The following UMAD1 variants were observed in gnomAD, a reference collection of about 807,000 sequenced individuals.
UMAD1 encodes the protein UBAP1-MVB12-associated (UMA)-domain containing protein 1.
UMAD1 carries 8 observed loss-of-function variants against 6.1 expected under a neutral mutation model. The observed-to-expected ratio is 1.30, with a 90% CI of 0.76 to 2.35. UMAD1 has a LOEUF of 2.35. Ranked by LOEUF, UMAD1 falls within the 30% of genes most tolerant of loss-of-function variation. UMAD1 has a pLI of 0.00. For synonymous variants in UMAD1, 56 were observed against 31.4 expected (o/e 1.78, Z -2.61); for missense variants, 130 against 78.4 (o/e 1.66, Z -2.49).
chr7:7,644,244 T>C (rs186984417), intron 1 of UMAD1, among the ~76,000 whole-genome samples: 30 of 152,282 alleles, frequency 2.0e-4, no homozygotes, highest in African/African-American at 7.2e-4. Flanking sequence ...TTTTCCTTGA[T>C]TTTTCTTTTT....
At chr7:7,676,826 G>T (rs1309691343) in intron 2 of UMAD1, among the ~76,000 whole-genome samples, 1 of 152,140 alleles carries the variant, frequency 6.6e-6, no homozygotes, top group African/African-American at 2.4e-5. Context: ...GACAGATAAA[G>T]ATCTTGACAG....
chr7:7,745,558 AAT>A (rs35859619), intron 2 of UMAD1, among the ~76,000 whole-genome samples: 70,206 of 151,844 alleles, frequency 0.46, 17,361 homozygotes, highest in African/African-American at 0.64. Context: ...TTTGGGAATA[AAT>A]ATAAGATGGA....
At chr7:7,644,294 T>C (rs1329296730) in intron 1 of UMAD1, among the ~76,000 whole-genome samples, 1 of 152,048 alleles carries the variant, frequency 6.6e-6, no homozygotes, top group Non-Finnish European at 1.5e-5. Flanking sequence ...TGAGATATTG[T>C]AATGGTACAA....
chr7:7,795,723 A>T (rs752612623), intron 2 of UMAD1, among the ~76,000 whole-genome samples: 2 of 152,162 alleles, frequency 1.3e-5, no homozygotes, highest in Non-Finnish European at 2.9e-5. Context: ...TAACTTCTGG[A>T]TGTTGTGTAA....
chr7:7,870,394 T>G (rs1321950820), intron 3 of UMAD1, among the ~76,000 whole-genome samples: 1 of 152,188 alleles, frequency 6.6e-6, no homozygotes, highest in Non-Finnish European at 1.5e-5. Flanking sequence ...CAAATACGCT[T>G]TATGAACTTA....
intron 2 of UMAD1, among the ~76,000 whole-genome samples, chr7:7,793,563 C>T (rs963655946): frequency 6.6e-6 from 1 of 152,190 alleles, no homozygotes; most frequent in Admixed American, 6.5e-5. Context: ...TCTCCTGTGT[C>T]TTCAAGGTGC....
intron 3 of UMAD1, among the ~76,000 whole-genome samples, chr7:7,843,129 C>A (rs769953102): frequency 2.4e-4 from 36 of 152,116 alleles, no homozygotes; most frequent in Non-Finnish European, 4.7e-4. Context: ...TAAGTAAAGT[C>A]TCTCTGCCAC....
chr7:7,862,999 G>A (rs1002888006), intron 3 of UMAD1, among the ~76,000 whole-genome samples: 2 of 146,940 alleles, frequency 1.4e-5, no homozygotes, highest in Non-Finnish European at 3.0e-5. Context: ...ACATAAAATT[G>A]AAATATTGCT....
chr7:7,860,274 A>T (rs79103943), intron 3 of UMAD1, among the ~76,000 whole-genome samples: 1 of 152,202 alleles, frequency 6.6e-6, no homozygotes, highest in African/African-American at 2.4e-5. Flanking sequence ...AGAGTGTATT[A>T]TAAAAATGTA....
At chr7:7,876,118 G>A (rs1021272465) in intron 3 of UMAD1, among the ~76,000 whole-genome samples, 15 of 152,212 alleles carry the variant, frequency 9.9e-5, no homozygotes, top group African/African-American at 3.4e-4. Flanking sequence ...GCCTCATTGA[G>A]ATGGCATCTG....
intron 3 of UMAD1, among the ~76,000 whole-genome samples, chr7:7,824,161 C>A (rs1032393878): frequency 6.6e-6 from 1 of 152,092 alleles, no homozygotes; most frequent in African/African-American, 2.4e-5. Context: ...CTTGCATGTC[C>A]TCATCCTTTG....
intron 2 of UMAD1, among the ~76,000 whole-genome samples, chr7:7,716,614 C>T (rs938953409): frequency 6.6e-6 from 1 of 152,194 alleles, no homozygotes; most frequent in African/African-American, 2.4e-5. Context: ...ATGGTGCTGG[C>T]CAGGTAGCAA....
At chr7:7,752,474 A>G (rs1414226706) in intron 2 of UMAD1, among the ~76,000 whole-genome samples, 3 of 152,132 alleles carry the variant, frequency 2.0e-5, no homozygotes, top group Non-Finnish European at 4.4e-5. Flanking sequence ...GTTGCCACAT[A>G]TGAAACTTTG....
At chr7:7,822,310 T>G (rs959709358) in intron 3 of UMAD1, among the ~76,000 whole-genome samples, 1 of 152,030 alleles carries the variant, frequency 6.6e-6, no homozygotes, top group African/African-American at 2.4e-5. Flanking sequence ...GGTCAGTCTG[T>G]GAAGATAAAT....
At chr7:7,753,205 AC>A (rs1188820401) in intron 2 of UMAD1, among the ~76,000 whole-genome samples, 1 of 152,218 alleles carries the variant, frequency 6.6e-6, no homozygotes, top group Non-Finnish European at 1.5e-5. Flanking sequence ...ATACAGGCAT[AC>A]ATTGTGTAAT....
In UMAD1 at chr7:7,877,460, C is replaced by T. The variant is rs891331583; in HGVS notation, c.336C>T (p.Leu112=). The change falls in exon 4 of 4, where the codon CTC becomes CTT. Residue 112 remains leucine, a synonymous_variant. Coordinates refer to ENST00000682710, the MANE Select transcript of UMAD1 (RefSeq NM_001302348.2). Reference sequence around the variant, plus strand: ...TCACTGACCTTCCCGACCACTTACTCTCCTATGATGGCAGCGAAAACTTAT... The same window carrying T: ...TCACTGACCTTCCCGACCACTTACTTTCCTATGATGGCAGCGAAAACTTAT... ...GTITDLPDHL[L]SYDGSENLSR... is the part of the protein sequence containing the mutation. The T allele has an allele frequency of 2.8e-6, 2 of 717,686 alleles. No homozygotes were observed. The highest frequency in any genetic ancestry group is 2.7e-5 in the East Asian group (1 of 37,296). The allele number at this position is 717,686 out of a possible 1,614,324, so 44.5% of individuals were successfully genotyped here. A position where few individuals can be genotyped will look rare whatever the true frequency, so the allele number is the denominator to read the frequency against.
chr7:7,683,583 A>G (rs1779963858), intron 2 of UMAD1, among the ~76,000 whole-genome samples: 1 of 152,168 alleles, frequency 6.6e-6, no homozygotes, highest in African/African-American at 2.4e-5. Flanking sequence ...AAGAGCAGAA[A>G]GCTTCATACA....
intron 2 of UMAD1, among the ~76,000 whole-genome samples, chr7:7,720,525 G>A (rs1454661231): frequency 6.6e-6 from 1 of 152,084 alleles, no homozygotes; most frequent in East Asian, 1.9e-4. Context: ...TATTAGTACA[G>A]TACTATAGTG....
chr7:7,845,554 A>G (rs1015808041), intron 3 of UMAD1, among the ~76,000 whole-genome samples: 2 of 152,102 alleles, frequency 1.3e-5, no homozygotes, highest in Non-Finnish European at 1.5e-5. Flanking sequence ...CACTTTTATT[A>G]TAAGAGGAAA....
Sources: allele counts gnomAD v4.1 joint callset (sites outside exome capture counted in the v4.1 genomes callset), GRCh38; gene constraint gnomAD v4.1.1; transcripts MANE v1.5; gene names NCBI Gene and HGNC (gene_info 2026-07-23, HGNC 2026-07-21).